The following SUN3 variants were observed in gnomAD, a reference collection of about 807,000 sequenced individuals.
SUN3 encodes the protein SUN domain-containing protein 3.
A neutral mutation model predicts 48.2 loss-of-function variants in SUN3; 36 were observed. The observed-to-expected ratio is 0.75, with a 90% CI of 0.57 to 0.99. The LOEUF is 0.99. Ranked by LOEUF, SUN3 falls within the 50% of genes least tolerant of loss-of-function variation. The pLI, the probability that SUN3 is intolerant of heterozygous loss-of-function variation, is 0.00. For synonymous variants in SUN3, 148 were observed against 147.9 expected, an observed-to-expected ratio of 1.00 and a Z score of 0.00; for missense variants, 419 against 433.1, an observed-to-expected ratio of 0.97 and a Z score of 0.29.
At chr7:48,012,358 C>A (rs1275125407) in intron 3 of SUN3, among the ~76,000 whole-genome samples, 1 of 151,672 alleles carries the variant, frequency 6.6e-6, no homozygotes, top group Non-Finnish European at 1.5e-5. Flanking sequence ...TAGCCATGGG[C>A]AAAGCCCAGT....
intron 2 of SUN3, among the ~76,000 whole-genome samples, chr7:48,017,645 C>A (rs1789849875): frequency 1.3e-5 from 2 of 152,086 alleles, no homozygotes; most frequent in South Asian, 4.1e-4. Context: ...GATAGGGTGG[C>A]TAGTTTCTAG....
upstream of SUN3, among the ~76,000 whole-genome samples, chr7:48,031,806 T>C (rs1479714415): frequency 1.3e-5 from 2 of 151,346 alleles, no homozygotes; most frequent in Non-Finnish European, 1.5e-5. Context: ...CAAGTGTTTA[T>C]TGATGGATGA....
chr7:48,032,031 A>C (rs774118329), upstream of SUN3, among the ~76,000 whole-genome samples: 16 of 152,220 alleles, frequency 1.1e-4, no homozygotes, highest in Non-Finnish European at 2.4e-4. Context: ...GTATGATCTA[A>C]TTTATATGTG....
intron 3 of SUN3, among the ~76,000 whole-genome samples, chr7:48,009,865 T>G (rs1789635315): frequency 1.3e-5 from 2 of 152,050 alleles, no homozygotes; most frequent in Admixed American, 6.6e-5. Flanking sequence ...GTTCCTCACC[T>G]GGAATGGGGG....
At chr7:48,011,929 G>A (rs1789694401) in intron 3 of SUN3, among the ~76,000 whole-genome samples, 1 of 152,224 alleles carries the variant, frequency 6.6e-6, no homozygotes, top group African/African-American at 2.4e-5. Context: ...TTGTTTCAGA[G>A]CATCACAGCA....
intron 6 of SUN3, among the ~76,000 whole-genome samples, chr7:48,002,944 C>T (rs1290966693): frequency 6.6e-6 from 1 of 152,012 alleles, no homozygotes; most frequent in Non-Finnish European, 1.5e-5. Context: ...CTTTCTTTTG[C>T]CTAATTGCCC....
chr7:47,999,996 CACT>C (rs949811640), intron 6 of SUN3: 2 of 152,236 alleles, frequency 1.3e-5, no homozygotes, highest in Non-Finnish European at 2.9e-5. Flanking sequence ...AAATCTCACC[CACT>C]GACTTTTCCT....
At chr7:48,009,131 C>A in intron 3 of SUN3, 56 bp from the exon 4 acceptor site, 1 of 1,398,758 alleles carries the variant, frequency 7.1e-7, no homozygotes, top group Non-Finnish European at 9.7e-7. Flanking sequence ...CAAATAGAGT[C>A]TTTTTTTTTT....
intron 3 of SUN3, among the ~76,000 whole-genome samples, chr7:48,015,632 G>A (rs1789790728): frequency 6.6e-6 from 1 of 152,162 alleles, no homozygotes. Context: ...GTCACTATGG[G>A]TTAAAAGATC....
upstream of SUN3, among the ~76,000 whole-genome samples, chr7:48,031,791 C>G (rs1166485339): frequency 6.6e-6 from 1 of 150,844 alleles, no homozygotes; most frequent in East Asian, 1.9e-4. Context: ...GATATAAAAA[C>G]AACCCAAGTG....
At chr7:48,022,177 A>G (rs370719138) in intron 2 of SUN3, among the ~76,000 whole-genome samples, 4 of 152,196 alleles carry the variant, frequency 2.6e-5, no homozygotes, top group African/African-American at 9.6e-5. Context: ...AGAAAGACAA[A>G]TATCACATGT....
intron 3 of SUN3, 55 bp from the exon 4 acceptor site, chr7:48,009,130 T>TCC: frequency 1.3e-5 from 19 of 1,515,310 alleles, no homozygotes; most frequent in Non-Finnish European, 1.6e-5. Flanking sequence ...TCAAATAGAG[T>TCC]CTTTTTTTTT....
intron 3 of SUN3, among the ~76,000 whole-genome samples, chr7:48,012,669 A>T (rs116589022): frequency 0.02 from 3,079 of 152,324 alleles, 91 homozygotes; most frequent in African/African-American, 0.069. Context: ...AACCAATTAA[A>T]TATTGGAGTA....
chr7:48,035,453 T>A, the SUN3 span: 1 of 691,748 alleles, frequency 1.4e-6, no homozygotes, highest in Non-Finnish European at 2.6e-6. The surrounding 1 kb of genome is among the most constrained non-coding windows in gnomAD (Gnocchi z 4.0). Context: ...CCCTATTGGC[T>A]GACAGTGCTC....
chr7:48,028,750 C>T (rs1449125785), intron 1 of SUN3, 67 bp downstream of exon 1: 13 of 1,578,494 alleles, frequency 8.2e-6, no homozygotes, highest in African/African-American at 2.7e-5. Flanking sequence ...GATGAACAGA[C>T]ACAAGTGACA....
chr7:48,016,862 G>A (rs1488465522), intron 3 of SUN3, among the ~76,000 whole-genome samples: 4 of 152,178 alleles, frequency 2.6e-5, no homozygotes, highest in Non-Finnish European at 5.9e-5. Flanking sequence ...GCATGGCACT[G>A]CCATGTGATG....
the SUN3 span, among the ~76,000 whole-genome samples, chr7:48,034,845 A>AAAATATGGTTAAGAGCTTT: frequency 3.9e-5 from 6 of 152,188 alleles, no homozygotes; most frequent in African/African-American, 1.4e-4. Flanking sequence ...AAGAGCTTTA[A>AAAATATGGTTAAGAGCTTT]AAAAAGTCTC....
upstream of SUN3, among the ~76,000 whole-genome samples, chr7:48,029,559 C>T (rs929779142): frequency 1.3e-5 from 2 of 152,176 alleles, no homozygotes; most frequent in Admixed American, 1.3e-4. Flanking sequence ...ACATTAACTC[C>T]ACTCATTTTA....
At chr7:48,010,494 T>C (rs1212442789) in intron 3 of SUN3, among the ~76,000 whole-genome samples, 1 of 152,212 alleles carries the variant, frequency 6.6e-6, no homozygotes, top group Non-Finnish European at 1.5e-5. Flanking sequence ...GCAGTATCTT[T>C]GACTATGTGC....
Sources: allele counts gnomAD v4.1 joint callset (sites outside exome capture counted in the v4.1 genomes callset), GRCh38; gene constraint gnomAD v4.1.1; non-coding constraint Gnocchi (gnomAD v3.1); transcripts MANE v1.5; gene names NCBI Gene and HGNC (gene_info 2026-07-23, HGNC 2026-07-21).